Variants in CRPPA observed in about 807,000 individuals in gnomAD.
The protein encoded by CRPPA is CDP-L-ribitol pyrophosphorylase A, also known as D-ribitol-5-phosphate cytidylyltransferase.
In CRPPA, 43 loss-of-function variants were observed where a neutral mutation model predicts 52.0. The ratio of observed to expected loss-of-function variants is 0.83; its 90% CI spans 0.65 to 1.07. The LOEUF (loss-of-function observed/expected upper bound fraction) is 1.07, where lower values mean the gene tolerates loss of function less well. Ranked by LOEUF, CRPPA falls within the 50% of genes least tolerant of loss-of-function variation. CRPPA has a pLI of 0.00. For synonymous variants in CRPPA, 250 were observed against 203.5 expected (o/e 1.23, Z -1.94); for missense variants, 629 against 551.7 (o/e 1.14, Z -1.40).
In CRPPA at chr7:16,295,498, T is replaced by A. The variant is rs1003515764; in HGVS notation, c.835+5923A>T. On this transcript the variant is annotated intron_variant, in intron 5 of 9. Transcript: ENST00000407010. ...TGTAGCACAAGTTTACTTGGGTTTGTACAAGTATAACCAAGAAAGAATAAA... is the reference window on the plus strand; with the variant it reads ...TGTAGCACAAGTTTACTTGGGTTTGAACAAGTATAACCAAGAAAGAATAAA... Among the ~76,000 whole-genome samples the A allele has an allele frequency of 4.6e-5, 7 of 152,206 alleles. No homozygotes were observed. The East Asian group carries it at 1.4e-3, about 29-fold the overall frequency.
intron 5 of CRPPA, among the ~76,000 whole-genome samples, chr7:16,292,566 T>A (rs1438016010): frequency 6.6e-6 from 1 of 151,992 alleles, no homozygotes; most frequent in Non-Finnish European, 1.5e-5. Context: ...TTTGACTATA[T>A]CCATCCATCT....
At chr7:16,235,825 T>C (rs575802855) in intron 8 of CRPPA, 3 of 152,074 alleles carry the variant, frequency 2.0e-5, no homozygotes, top group Non-Finnish European at 2.9e-5. Context: ...CTCATGAACA[T>C]TATGTGATAC....
intron 9 of CRPPA, among the ~76,000 whole-genome samples, chr7:16,095,381 A>G (rs1159168005): frequency 6.7e-6 from 1 of 150,036 alleles, no homozygotes; most frequent in East Asian, 2.1e-4. Flanking sequence ...CATTTTTTTC[A>G]TCTAAAAATG....
intron 3 of CRPPA, among the ~76,000 whole-genome samples, chr7:16,356,499 G>A (rs1429676742): frequency 1.3e-5 from 2 of 152,206 alleles, no homozygotes; most frequent in Non-Finnish European, 2.9e-5. Context: ...CAAAAGCAGT[G>A]ATGATGTCTG....
chr7:16,282,018 CTG>C (rs879095122), intron 5 of CRPPA, among the ~76,000 whole-genome samples: 1 of 152,000 alleles, frequency 6.6e-6, no homozygotes, highest in Admixed American at 6.6e-5. Flanking sequence ...ATGATTGATT[CTG>C]TCTTATATGT....
At chr7:16,192,430 T>C (rs1244799990) in intron 9 of CRPPA, among the ~76,000 whole-genome samples, 2 of 152,130 alleles carry the variant, frequency 1.3e-5, no homozygotes, top group African/African-American at 2.4e-5. Flanking sequence ...TAGTTTCTAC[T>C]GAGGTATTAT....
At chr7:16,166,037 T>C (rs546853056) in intron 9 of CRPPA, among the ~76,000 whole-genome samples, 73 of 152,334 alleles carry the variant, frequency 4.8e-4, no homozygotes, top group Admixed American at 3.2e-3. Context: ...AACATGAACA[T>C]TTTATGGCTA....
At chr7:16,265,917 G>C (rs1394464579) in intron 6 of CRPPA, among the ~76,000 whole-genome samples, 3 of 152,162 alleles carry the variant, frequency 2.0e-5, no homozygotes, top group Non-Finnish European at 1.5e-5. Flanking sequence ...CTAGCACTCA[G>C]ACTCAGGTCT....
At position 16,172,458 on chromosome 7, in the gene CRPPA, C is replaced by G. The variant is rs529080233; in HGVS notation, c.1251+43608G>C. Among the ~76,000 whole-genome samples, 6 of 152,294 alleles carry G rather than the reference C, an allele frequency of 3.9e-5. No individual in the cohort carries two copies. In the East Asian group the frequency reaches 1.2e-3, roughly 29 times the overall value. On this transcript the variant is annotated intron_variant, in intron 9 of 9. Coordinates refer to ENST00000407010, the MANE Select transcript of CRPPA (RefSeq NM_001101426.4). The stretch of plus-strand genomic sequence containing the variant: ...AGAAGGAAATTTCTTGCTGTAGTTA[C>G]AGTCCAATCAGCCAAGAATATGAGC...
intron 8 of CRPPA, among the ~76,000 whole-genome samples, chr7:16,226,076 A>G (rs1396894160): frequency 6.6e-6 from 1 of 151,964 alleles, no homozygotes; most frequent in Non-Finnish European, 1.5e-5. Context: ...CTTAGGTGCA[A>G]ACCAAATCAT....
At chr7:16,406,804 C>G (rs1036997467) in intron 1 of CRPPA, among the ~76,000 whole-genome samples, 1 of 152,090 alleles carries the variant, frequency 6.6e-6, no homozygotes, top group Non-Finnish European at 1.5e-5. Flanking sequence ...ACTTGAATAC[C>G]AACAAAGCTG....
At position 16,327,202 on chromosome 7, in the gene CRPPA, C is replaced by A. The variant is rs374727136; in HGVS notation, c.685-18575G>T. Among the ~76,000 whole-genome samples the A allele has an allele frequency of 9.2e-5, 14 of 152,276 alleles. 1 individual carries two copies. The East Asian group carries it at 2.5e-3, about 27-fold the overall frequency. On this transcript the variant is annotated intron_variant, in intron 3 of 9. Coordinates refer to ENST00000407010, the MANE Select transcript of CRPPA (RefSeq NM_001101426.4). Reference sequence around the variant, plus strand: ...TATCTTCAACTCACTCCAGGTAAAACTGATTATCTTCAAGTAGAACTCAAC... The same window carrying A: ...TATCTTCAACTCACTCCAGGTAAAAATGATTATCTTCAAGTAGAACTCAAC...
intron 9 of CRPPA, among the ~76,000 whole-genome samples, chr7:16,144,955 T>C (rs1201033318): frequency 6.6e-6 from 1 of 152,174 alleles, no homozygotes; most frequent in African/African-American, 2.4e-5. Context: ...AGGTAACAGA[T>C]GTGCCAATCT....
At chr7:16,157,934 G>T (rs10479957) in intron 9 of CRPPA, among the ~76,000 whole-genome samples, 1 of 151,588 alleles carries the variant, frequency 6.6e-6, no homozygotes, top group Non-Finnish European at 1.5e-5. Context: ...GAATAGAGCA[G>T]TGCAATCTTG....
intron 3 of CRPPA, among the ~76,000 whole-genome samples, chr7:16,371,976 G>C (rs1786760270): frequency 6.6e-6 from 1 of 151,906 alleles, no homozygotes; most frequent in Non-Finnish European, 1.5e-5. Context: ...AGAGCTTGAA[G>C]ACAAAGCTTT....
intron 9 of CRPPA, among the ~76,000 whole-genome samples, chr7:16,128,279 A>C (rs1044762385): frequency 1.3e-5 from 2 of 152,166 alleles, no homozygotes; most frequent in Non-Finnish European, 1.5e-5. Flanking sequence ...AAAACTTGAA[A>C]ATTAAAATTT....
chr7:16,329,857 T>C (rs1785507939), intron 3 of CRPPA, among the ~76,000 whole-genome samples: 2 of 152,214 alleles, frequency 1.3e-5, no homozygotes, highest in Non-Finnish European at 2.9e-5. Flanking sequence ...AACCATGATG[T>C]TGGTCACAAC....
At position 16,107,689 on chromosome 7, in the gene CRPPA, G is replaced by A. The variant is rs1782184814; in HGVS notation, c.1252-15890C>T. ...TATAAAAAAGCAAAAAAAATCAATT[G>A]TATAAGTAAAACAGTCATATTCAGA... is the stretch of plus-strand genomic sequence containing the variant. On this transcript the variant is annotated intron_variant, in intron 9 of 9. Transcript: ENST00000407010. Among the ~76,000 whole-genome samples the A allele has an allele frequency of 1.3e-5, 2 of 151,898 alleles. 1 individual carries two copies. The highest frequency in any genetic ancestry group is 4.1e-4 in the South Asian group (2 of 4,834).
At chr7:16,316,186 CT>C (rs1162060031) in intron 3 of CRPPA, among the ~76,000 whole-genome samples, 1 of 151,940 alleles carries the variant, frequency 6.6e-6, no homozygotes, top group African/African-American at 2.4e-5. Context: ...GAAGAAAAAC[CT>C]CAAGATGATA....
Sources: allele counts gnomAD v4.1 joint callset (sites outside exome capture counted in the v4.1 genomes callset), GRCh38; gene constraint gnomAD v4.1.1; transcripts MANE v1.5; gene names NCBI Gene and HGNC (gene_info 2026-07-23, HGNC 2026-07-21).